Variants in MYRFL observed in about 807,000 individuals in gnomAD.
MYRFL encodes the protein myelin regulatory factor-like protein.
A neutral mutation model predicts 109.4 loss-of-function variants in MYRFL; 88 were observed. The observed-to-expected ratio is 0.80, with a 90% CI of 0.68 to 0.96. The LOEUF is 0.96. Ranked by LOEUF, MYRFL falls within the 40% of genes least tolerant of loss-of-function variation. The pLI is 0.00. For synonymous variants in MYRFL, 324 were observed against 320.9 expected, an observed-to-expected ratio of 1.01 and a Z score of -0.10; for missense variants, 957 against 954.9, an observed-to-expected ratio of 1.00 and a Z score of -0.03.
chr12:69,839,206 G>A (rs933054652), intron 1 of MYRFL, among the ~76,000 whole-genome samples: 15 of 152,134 alleles, frequency 9.9e-5, no homozygotes, highest in African/African-American at 3.6e-4. Context: ...GAGGAGGAGA[G>A]TCCTTGAACC....
chr12:69,932,420 A>T, intron 15 of MYRFL, 93 bp from the exon 16 acceptor site: 1 of 787,038 alleles, frequency 1.3e-6, no homozygotes, highest in East Asian at 2.7e-5. Flanking sequence ...CCAAGAGAGC[A>T]GCAAATACCC....
In MYRFL at chr12:69,895,441, A is replaced by G. The variant is rs1953958017; in HGVS notation, c.1051A>G (p.Asn351Asp). Reference protein sequence around the residue: ...GRLHFSETTANNMRKKGKPNP... With the variant: ...GRLHFSETTADNMRKKGKPNP... Reference sequence around the variant, plus strand: ...ATTACACTTCAGCGAAACCACAGCAAATAATATGAGAAAAAAGGGAAAACC... The same window carrying G: ...ATTACACTTCAGCGAAACCACAGCAGATAATATGAGAAAAAAGGGAAAACC... The change falls in exon 9 of 25, where the codon AAT (asparagine) becomes GAT (aspartate). Residue 351 changes from asparagine to aspartate, a missense_variant. Physicochemically the swap from Asn to Asp is conservative, Grantham distance 23. Coordinates refer to ENST00000552032, the MANE Select transcript of MYRFL (RefSeq NM_182530.3). The G allele has an allele frequency of 6.5e-7, 1 of 1,535,808 alleles. No individual in the cohort carries two copies. The highest frequency in any genetic ancestry group is 1.2e-5 in the South Asian group (1 of 84,052).
chr12:69,934,850 A>G lies in MYRFL; in HGVS notation c.1917-1263A>G, dbSNP rs139398764. On this transcript the variant is annotated intron_variant, in intron 16 of 24. Transcript: ENST00000552032. ...GTAGTATTGGAAAAGGCAACATTTGATTGGTTGAAAGGCATTATTCAGAAA... is the reference window on the plus strand; with the variant it reads ...GTAGTATTGGAAAAGGCAACATTTGGTTGGTTGAAAGGCATTATTCAGAAA... Among the ~76,000 whole-genome samples the G allele has an allele frequency of 3.1e-3, 468 of 152,202 alleles. 7 individuals are homozygous for G. Among genetic ancestry groups the G allele is most frequent in the African/African-American group, 0.01 (426 of 41,502 alleles).
At chr12:69,833,963 G>A (rs757684127) in intron 1 of MYRFL, among the ~76,000 whole-genome samples, 2 of 151,566 alleles carry the variant, frequency 1.3e-5, no homozygotes, top group Non-Finnish European at 2.9e-5. Context: ...GGTGTTAGTG[G>A]TAAAAAGGTA....
intron 1 of MYRFL, among the ~76,000 whole-genome samples, chr12:69,852,350 T>A (rs1883924116): frequency 2.0e-5 from 3 of 152,038 alleles, no homozygotes; most frequent in South Asian, 2.1e-4. Context: ...TAAATATATA[T>A]TTAGATATCT....
intron 16 of MYRFL, among the ~76,000 whole-genome samples, 188 bp downstream of exon 16, chr12:69,932,786 G>A (rs1955308869): frequency 6.6e-6 from 1 of 152,084 alleles, no homozygotes; most frequent in East Asian, 1.9e-4. Context: ...GAAGAAAAAA[G>A]CACAGGCTTT....
At position 69,825,516 on chromosome 12, in the gene MYRFL, C is replaced by T; in HGVS notation, c.-2C>T. ...AGGAAATAGTACTAGGATCACAGTA[C>T]CATGGATGTGGTAGGCGAAAATGAG... On this transcript the variant is annotated 5_prime_UTR_variant, in exon 1 of 25. Transcript: ENST00000552032. The T allele has an allele frequency of 1.4e-6, 1 of 701,846 alleles. No individual in the cohort carries two copies. The highest frequency in any genetic ancestry group is 2.6e-6 in the Non-Finnish European group (1 of 384,268). The allele number at this position is 701,846 out of a possible 1,614,324, so 43.5% of individuals were successfully genotyped here.
chr12:69,898,099 T>C (rs182811449), intron 10 of MYRFL, among the ~76,000 whole-genome samples: 3 of 152,284 alleles, frequency 2.0e-5, no homozygotes, highest in Non-Finnish European at 2.9e-5. Flanking sequence ...CAAACTCCAA[T>C]AGAGAACAAT....
chr12:69,853,642 G>T, intron 1 of MYRFL, among the ~76,000 whole-genome samples: 1 of 148,882 alleles, frequency 6.7e-6, no homozygotes, highest in East Asian at 2.0e-4. Flanking sequence ...TGGGCGGCTG[G>T]GCAGAGGGGC....
intron 19 of MYRFL, among the ~76,000 whole-genome samples, chr12:69,949,616 A>C (rs1436524666): frequency 4.6e-5 from 7 of 151,502 alleles, no homozygotes; most frequent in African/African-American, 1.7e-4. Flanking sequence ...ACAAATTTGT[A>C]AACTTTCTTA....
chr12:69,877,240 C>T (rs1885744044), intron 2 of MYRFL, among the ~76,000 whole-genome samples: 1 of 151,910 alleles, frequency 6.6e-6, no homozygotes, highest in Non-Finnish European at 1.5e-5. Flanking sequence ...AGGTGGGATG[C>T]CCTCGATCTC....
intron 10 of MYRFL, among the ~76,000 whole-genome samples, chr12:69,898,048 T>C (rs1409168598): frequency 6.6e-6 from 1 of 152,196 alleles, no homozygotes; most frequent in African/African-American, 2.4e-5. Flanking sequence ...TGGGAGGGGC[T>C]GTGTTGTTAT....
intron 1 of MYRFL, among the ~76,000 whole-genome samples, chr12:69,826,152 A>G (rs1882263263): frequency 6.6e-6 from 1 of 152,140 alleles, no homozygotes. Flanking sequence ...GACGGGGCGT[A>G]CCAAAGAAAT....
chr12:69,880,463 G>A (rs780676080), intron 5 of MYRFL, among the ~76,000 whole-genome samples, 171 bp downstream of exon 5: 4 of 152,182 alleles, frequency 2.6e-5, no homozygotes, highest in Non-Finnish European at 5.9e-5. Context: ...CATGCAGGCG[G>A]GGTCACACAG....
chr12:69,883,298 A>G (rs1886243629), intron 5 of MYRFL, among the ~76,000 whole-genome samples: 1 of 152,190 alleles, frequency 6.6e-6, no homozygotes, highest in Admixed American at 6.5e-5. Context: ...GGCAGTATCT[A>G]CTAAAGCATG....
Position 69,936,159 on chromosome 12 carries a change from G to C in MYRFL, c.1963G>C (p.Asp655His), listed in dbSNP as rs1383570040. 1 of 1,281,946 alleles carries C rather than the reference G, an allele frequency of 7.8e-7. No individual in the cohort carries two copies. The allele number at this position is 1,281,946 out of a possible 1,614,324, so 79.4% of individuals were successfully genotyped here. Residue 655 changes from aspartate to histidine, a missense_variant, in exon 17 of 25, where the codon GAC becomes CAC. Transcript: ENST00000552032. ...ALYILSLKDQ[D>H]RRVPNLPPSN... ...CTATATACTTAGCTTAAAAGATCAAGACCGACGTGTCCCAAATCTCCCTCC... is the reference window on the plus strand; with the variant it reads ...CTATATACTTAGCTTAAAAGATCAACACCGACGTGTCCCAAATCTCCCTCC...
intron 2 of MYRFL, among the ~76,000 whole-genome samples, chr12:69,878,459 A>G (rs1468311903): frequency 6.6e-6 from 1 of 152,086 alleles, no homozygotes; most frequent in Non-Finnish European, 1.5e-5. Context: ...TTTCTGGTAT[A>G]GGAGTATTAA....
chr12:69,834,869 C>T (rs1452945872), intron 1 of MYRFL, among the ~76,000 whole-genome samples: 1 of 152,088 alleles, frequency 6.6e-6, no homozygotes, highest in Non-Finnish European at 1.5e-5. Flanking sequence ...CCATGTTGGT[C>T]TTGAAATCTA....
chr12:69,902,843 T>C (rs778916492), intron 10 of MYRFL, among the ~76,000 whole-genome samples: 1 of 152,252 alleles, frequency 6.6e-6, no homozygotes, highest in Admixed American at 6.5e-5. Context: ...TCTAGTCCAA[T>C]GGTTTCACTT....
Sources: allele counts gnomAD v4.1 joint callset (sites outside exome capture counted in the v4.1 genomes callset), GRCh38; gene constraint gnomAD v4.1.1; transcripts MANE v1.5; gene names NCBI Gene and HGNC (gene_info 2026-07-23, HGNC 2026-07-21).